The following UPRT variants were observed in gnomAD, a reference collection of about 807,000 sequenced individuals.
UPRT encodes RP11-311P8.3.
In UPRT, 5 loss-of-function variants were observed where a neutral mutation model predicts 22.6. The observed-to-expected ratio is 0.22, with a 90% CI of 0.12 to 0.47. The LOEUF is 0.47. Ranked by LOEUF, UPRT falls within the 20% of genes least tolerant of loss-of-function variation. UPRT has a pLI of 0.99. For synonymous variants in UPRT, 77 were observed against 87.7 expected (o/e 0.88, Z 0.68); for missense variants, 181 against 239.9 (o/e 0.75, Z 1.62).
chrX:75,264,386 G>T (rs1386610645), intron 4 of UPRT, among the ~76,000 whole-genome samples: 1 of 111,514 alleles, frequency 9.0e-6, no homozygotes, highest in Non-Finnish European at 1.9e-5. Flanking sequence ...CTAAGGACTT[G>T]CTCTATGAAT....
At chrX:75,263,905 C>A (rs2082577523) in intron 4 of UPRT, among the ~76,000 whole-genome samples, 1 of 109,718 alleles carries the variant, frequency 9.1e-6, no homozygotes, top group Admixed American at 9.8e-5. Flanking sequence ...CCCAGAGATT[C>A]TGGTATGTTG....
intron 1 of UPRT, among the ~76,000 whole-genome samples, chrX:75,284,564 C>G (rs1186286464): frequency 5.4e-5 from 6 of 111,321 alleles, no homozygotes; most frequent in Non-Finnish European, 9.4e-5. Flanking sequence ...ATTGTTGTCT[C>G]TCTTCTGGAT....
At chrX:75,247,656 G>T (rs991342415) in intron 4 of UPRT, among the ~76,000 whole-genome samples, 5 of 112,659 alleles carry the variant, frequency 4.4e-5, no homozygotes, top group Non-Finnish European at 7.5e-5. Flanking sequence ...TGGGGGCAGG[G>T]CACAAACAAA....
chrX:75,175,393 A>G (rs1317721591), intron 4 of UPRT, among the ~76,000 whole-genome samples: 5 of 112,400 alleles, frequency 4.4e-5, no homozygotes. Flanking sequence ...ATGAGGTGGG[A>G]GAAATACCTG....
At chrX:75,210,853 T>C (rs1160566130) in intron 4 of UPRT, among the ~76,000 whole-genome samples, 1 of 111,022 alleles carries the variant, frequency 9.0e-6, no homozygotes, top group African/African-American at 3.3e-5. Flanking sequence ...ACCATTGCGT[T>C]GGAGGAAGTT....
chrX:75,245,266 TAAAA>T (rs766688686), intron 4 of UPRT, among the ~76,000 whole-genome samples: 8 of 65,484 alleles, frequency 1.2e-4, no homozygotes, highest in Non-Finnish European at 2.5e-4. Context: ...TACTAAAAAG[TAAAA>T]AAAAAAAAAA....
At chrX:75,235,186 G>T (rs2082456861) in intron 4 of UPRT, among the ~76,000 whole-genome samples, 1 of 111,648 alleles carries the variant, frequency 9.0e-6, no homozygotes, top group Non-Finnish European at 1.9e-5. Flanking sequence ...GAAAAATCTA[G>T]AAGAAATGGA....
chrX:75,295,967 G>T (rs781614248), intron 2 of UPRT, among the ~76,000 whole-genome samples: 47 of 112,038 alleles, frequency 4.2e-4, no homozygotes, highest in Non-Finnish European at 8.1e-4. Flanking sequence ...GAATAAAGCA[G>T]AGAAATTCCC....
At chrX:75,300,054 T>C (rs997563492) in intron 5 of UPRT, among the ~76,000 whole-genome samples, 158 bp downstream of exon 5, 4 of 112,490 alleles carry the variant, frequency 3.6e-5, no homozygotes, top group Non-Finnish European at 5.6e-5. Context: ...AGAGTTTTTA[T>C]TGCATAATAA....
At chrX:75,196,997 T>C (rs1216983425) in intron 4 of UPRT, among the ~76,000 whole-genome samples, 1 of 111,385 alleles carries the variant, frequency 9.0e-6, no homozygotes, top group Admixed American at 9.5e-5. Context: ...TGTTAGGGGA[T>C]GAGAGAAAAA....
intron 4 of UPRT, among the ~76,000 whole-genome samples, chrX:75,246,565 A>AT (rs2082507264): frequency 9.0e-6 from 1 of 110,887 alleles, no homozygotes; most frequent in Admixed American, 9.6e-5. Flanking sequence ...CAATAAACAT[A>AT]TGTGTGCATG....
chrX:75,185,910 C>G (rs1488189638), intron 4 of UPRT, among the ~76,000 whole-genome samples: 2 of 111,526 alleles, frequency 1.8e-5, no homozygotes, highest in Non-Finnish European at 3.8e-5. Context: ...ATTTTTCTCT[C>G]TTTTTTTCTT....
At chrX:75,252,664 C>G (rs777937617) in intron 4 of UPRT, among the ~76,000 whole-genome samples, 2 of 111,930 alleles carry the variant, frequency 1.8e-5, no homozygotes, top group Non-Finnish European at 3.8e-5. Context: ...ACTAGAAATA[C>G]CATCTGACCC....
chrX:75,243,608 A>G (rs757155751), intron 4 of UPRT, among the ~76,000 whole-genome samples: 2 of 111,891 alleles, frequency 1.8e-5, no homozygotes, highest in African/African-American at 6.5e-5. Flanking sequence ...AAATAATTAA[A>G]CTGGCTGGAT....
chrX:75,188,618 G>A (rs898429609), intron 4 of UPRT, among the ~76,000 whole-genome samples: 2 of 112,301 alleles, frequency 1.8e-5, no homozygotes, highest in African/African-American at 6.5e-5. Flanking sequence ...GCCCCTCCCC[G>A]AGCCTCGCTG....
intron 4 of UPRT, among the ~76,000 whole-genome samples, chrX:75,245,301 A>G (rs777967344): frequency 9.1e-5 from 10 of 109,601 alleles, no homozygotes; most frequent in African/African-American, 3.3e-4. Context: ...AAACAGATAG[A>G]TGCTGGAGAG....
chrX:75,187,502 T>C (rs2082297627), intron 4 of UPRT, among the ~76,000 whole-genome samples: 1 of 111,437 alleles, frequency 9.0e-6, no homozygotes. Flanking sequence ...TTATGTGTCT[T>C]GGAGTTGCTC....
chrX:75,174,342 TG>T (rs757780560), intron 4 of UPRT, among the ~76,000 whole-genome samples: 90 of 111,682 alleles, frequency 8.1e-4, no homozygotes, highest in Admixed American at 4.9e-3. Flanking sequence ...CAGTAGAAGT[TG>T]TTAGTTGAAC....
intron 4 of UPRT, among the ~76,000 whole-genome samples, chrX:75,218,214 A>G (rs2082399172): frequency 9.0e-6 from 1 of 111,314 alleles, no homozygotes; most frequent in African/African-American, 3.3e-5. Flanking sequence ...AACCCCATCA[A>G]AAAGTGGGTG....
Sources: gnomAD v4.1 joint callset for allele counts (sites outside exome capture counted in the v4.1 genomes callset) on GRCh38, gnomAD v4.1.1 for gene constraint, MANE v1.5 for transcripts, NCBI Gene and HGNC (gene_info 2026-07-23, HGNC 2026-07-21) for gene names.